Variants in OTUD7A observed in about 807,000 individuals in gnomAD.
OTUD7A encodes the protein OTU domain-containing protein 7A.
In OTUD7A, 12 loss-of-function variants were observed where a neutral mutation model predicts 65.7. The observed-to-expected ratio is 0.18, with a 90% CI of 0.12 to 0.30. The LOEUF (loss-of-function observed/expected upper bound fraction) is 0.30. Ranked by LOEUF, OTUD7A falls within the 10% of genes least tolerant of loss-of-function variation. The pLI is 1.00. For missense variants in OTUD7A, 1,148 were observed against 1,304.8 expected, an observed-to-expected ratio of 0.88 and a Z score of 1.85; for synonymous variants, 641 against 586.3, an observed-to-expected ratio of 1.09 and a Z score of -1.35.
chr15:31,770,629 C>A (rs1416750915), intron 1 of OTUD7A, among the ~76,000 whole-genome samples: 1 of 152,156 alleles, frequency 6.6e-6, no homozygotes, highest in Non-Finnish European at 1.5e-5. Context: ...AGGCCAATAT[C>A]CTTCATGAAC....
chr15:31,649,020 C>T (rs1207219252), intron 3 of OTUD7A, among the ~76,000 whole-genome samples: 1 of 152,152 alleles, frequency 6.6e-6, no homozygotes, highest in Non-Finnish European at 1.5e-5. Flanking sequence ...CTAGGCCTCC[C>T]AAAGTGCTAG....
intron 1 of OTUD7A, among the ~76,000 whole-genome samples, chr15:31,741,438 A>G (rs866325818): frequency 1.3e-5 from 2 of 152,216 alleles, no homozygotes; most frequent in African/African-American, 2.4e-5. Context: ...CCAGAACTTC[A>G]TAATTATAAA....
At chr15:31,592,906 T>TAA (rs1889783520) in intron 3 of OTUD7A, among the ~76,000 whole-genome samples, 1 of 43,068 alleles carries the variant, frequency 2.3e-5, no homozygotes, top group Non-Finnish European at 3.7e-5. Flanking sequence ...AAAAAAAAAA[T>TAA]ATATATATAT....
intron 5 of OTUD7A, among the ~76,000 whole-genome samples, chr15:31,554,128 G>A (rs892437628): frequency 2.0e-5 from 3 of 152,130 alleles, no homozygotes; most frequent in Admixed American, 1.3e-4. Flanking sequence ...GCAGGTGTCT[G>A]TTGCTGCCTC....
chr15:31,619,211 T>C (rs541955703), intron 3 of OTUD7A, among the ~76,000 whole-genome samples: 53 of 152,336 alleles, frequency 3.5e-4, no homozygotes, highest in African/African-American at 1.2e-3. Context: ...GGTAGGGTGA[T>C]GCCTCCAGCT....
At chr15:31,847,197 G>A (rs1421526810) in intron 1 of OTUD7A, among the ~76,000 whole-genome samples, 1 of 152,220 alleles carries the variant, frequency 6.6e-6, no homozygotes, top group Non-Finnish European at 1.5e-5. Context: ...ATGTGTCCCA[G>A]GTGTAAATAC....
rs1453750290 is a variant in OTUD7A at position 31,502,831 on chromosome 15, G to A, written c.1021+860C>T. Among the ~76,000 whole-genome samples, 5 of 152,214 alleles carry A rather than the reference G, an allele frequency of 3.3e-5. No individual in the cohort carries two copies. In the East Asian group the frequency reaches 9.6e-4, roughly 29 times the overall value. ...CCCTGAGCCACACAGGGAAGGGGGT[G>A]GGCCAGGCAGGACCTGTGTCCTACC... is the stretch of plus-strand genomic sequence containing the variant. On this transcript the variant is annotated intron_variant, in intron 9 of 12. Coordinates refer to ENST00000307050, the MANE Select transcript of OTUD7A (RefSeq NM_001382637.1).
At chr15:31,504,708 G>C (rs61213384) in intron 8 of OTUD7A, among the ~76,000 whole-genome samples, 2,155 of 73,840 alleles carry the variant, frequency 0.029, 51 homozygotes, top group African/African-American at 0.12. Context: ...AGCAGGTGGG[G>C]CCAGGGCTGG....
At chr15:31,663,282 C>CA (rs1555406207) in intron 1 of OTUD7A, among the ~76,000 whole-genome samples, 26 of 150,358 alleles carry the variant, frequency 1.7e-4, no homozygotes, top group Admixed American at 1.3e-4. Flanking sequence ...CACACACACA[C>CA]AAGTTTTTAA....
At chr15:31,658,128 C>G (rs1159925271) in intron 1 of OTUD7A, among the ~76,000 whole-genome samples, 1 of 152,190 alleles carries the variant, frequency 6.6e-6, no homozygotes, top group Admixed American at 6.5e-5. Context: ...TATCGCCTCT[C>G]TGTGCCTCAG....
chr15:31,690,942 A>G (rs1405280871), intron 1 of OTUD7A, among the ~76,000 whole-genome samples: 1 of 152,196 alleles, frequency 6.6e-6, no homozygotes, highest in Non-Finnish European at 1.5e-5. Context: ...AATGGACTTC[A>G]TCAAAATTAA....
At chr15:31,794,537 G>T (rs1166389143) in intron 1 of OTUD7A, among the ~76,000 whole-genome samples, 1 of 151,416 alleles carries the variant, frequency 6.6e-6, no homozygotes, top group East Asian at 1.9e-4. Context: ...CCACAAATTA[G>T]TAAATGTCTA....
At chr15:31,527,723 C>T (rs1447402048) in intron 6 of OTUD7A, among the ~76,000 whole-genome samples, 2 of 152,182 alleles carry the variant, frequency 1.3e-5, no homozygotes, top group Non-Finnish European at 2.9e-5. Context: ...CCATTAGCAT[C>T]CTGGCTTCTC....
At chr15:31,767,719 T>C in intron 1 of OTUD7A, 1 of 715,316 alleles carries the variant, frequency 1.4e-6, no homozygotes, top group East Asian at 2.6e-5. Context: ...TTATTTCATG[T>C]TTTATTTTCT....
chr15:31,832,978 C>T (rs183324400), intron 1 of OTUD7A, among the ~76,000 whole-genome samples: 107 of 152,282 alleles, frequency 7.0e-4, no homozygotes, highest in African/African-American at 2.3e-3. Flanking sequence ...CTGGATCCTA[C>T]GGTAATTTTA....
intron 8 of OTUD7A, among the ~76,000 whole-genome samples, chr15:31,519,611 T>A (rs1595578167): frequency 6.6e-6 from 1 of 152,310 alleles, no homozygotes; most frequent in South Asian, 2.1e-4. Context: ...TGCCCACTTT[T>A]ACCACTGTTA....
chr15:31,649,169 T>G (rs145853362), intron 3 of OTUD7A, among the ~76,000 whole-genome samples: 75 of 152,330 alleles, frequency 4.9e-4, no homozygotes, highest in African/African-American at 1.7e-3. Flanking sequence ...TGTCTCACTT[T>G]CTCTTACTGC....
chr15:31,596,882 C>A (rs760181262), intron 3 of OTUD7A, among the ~76,000 whole-genome samples: 8 of 152,026 alleles, frequency 5.3e-5, no homozygotes, highest in Admixed American at 1.3e-4. Flanking sequence ...CTATCAGATA[C>A]ATGTTTTATG....
At chr15:31,804,342 A>G (rs1303735226) in intron 1 of OTUD7A, among the ~76,000 whole-genome samples, 1 of 152,116 alleles carries the variant, frequency 6.6e-6, no homozygotes, top group East Asian at 1.9e-4. Flanking sequence ...GCCTACTTTT[A>G]TGGTTCATTG....
Sources: allele counts gnomAD v4.1 joint callset (sites outside exome capture counted in the v4.1 genomes callset), GRCh38; gene constraint gnomAD v4.1.1; transcripts MANE v1.5; gene names NCBI Gene and HGNC (gene_info 2026-07-23, HGNC 2026-07-21).